Variants in PHLDB2 observed in about 807,000 individuals in gnomAD.
PHLDB2 encodes the protein pleckstrin homology like domain family B member 2, also known as pleckstrin homology-like domain family B member 2.
In PHLDB2, 71 loss-of-function variants were observed where a neutral mutation model predicts 123.6. The observed-to-expected ratio is 0.57, with a 90% CI of 0.47 to 0.70. The LOEUF is 0.70. Among genes scored for constraint, PHLDB2 ranks in the 30% least tolerant of loss-of-function variants. The pLI is 0.00. For synonymous variants in PHLDB2, 547 were observed against 541.6 expected (o/e 1.01, Z -0.14); for missense variants, 1,446 against 1,519.5 (o/e 0.95, Z 0.80).
intron 1 of PHLDB2, among the ~76,000 whole-genome samples, chr3:111,752,301 A>G (rs1357562363): frequency 6.6e-6 from 1 of 151,772 alleles, no homozygotes; most frequent in African/African-American, 2.4e-5. Flanking sequence ...CTCATATCCT[A>G]CTAAACTCTA....
intron 1 of PHLDB2, among the ~76,000 whole-genome samples, chr3:111,787,704 A>C (rs2108161620): frequency 6.6e-6 from 1 of 152,190 alleles, no homozygotes; most frequent in South Asian, 2.1e-4. Context: ...TTCACCTCAA[A>C]GAGGACACAT....
At chr3:111,851,027 CTACTAAA>C (rs2064227541) in intron 2 of PHLDB2, among the ~76,000 whole-genome samples, 1 of 150,988 alleles carries the variant, frequency 6.6e-6, no homozygotes, top group African/African-American at 2.4e-5. Flanking sequence ...AACCCCGTCT[CTACTAAA>C]AATACAAAAA....
intron 1 of PHLDB2, among the ~76,000 whole-genome samples, chr3:111,775,867 G>A (rs1341218291): frequency 6.6e-6 from 1 of 152,124 alleles, no homozygotes; most frequent in Non-Finnish European, 1.5e-5. Context: ...TGAGTTTATG[G>A]AAATGGGCAT....
At position 111,919,056 on chromosome 3, in the gene PHLDB2, T is replaced by C; in HGVS notation, c.1720-16T>C. ...CTGAGGTGTGAATAATCCATTTCTG[T>C]GTTGATTAATCGCAGACCCCAGAGG... is the stretch of plus-strand genomic sequence containing the variant. On this transcript the variant is annotated splice_polypyrimidine_tract_variant and intron_variant, in intron 3 of 17. Coordinates refer to ENST00000431670, the MANE Select transcript of PHLDB2 (RefSeq NM_001134438.2). 6.2e-7 allele frequency: 1 copy of C among 1,612,242 alleles called. No homozygotes were observed. Among genetic ancestry groups the C allele is most frequent in the South Asian group, 1.1e-5 (1 of 91,036 alleles).
At chr3:111,832,357 T>C (rs2063084228) in intron 1 of PHLDB2, among the ~76,000 whole-genome samples, 1 of 150,662 alleles carries the variant, frequency 6.6e-6, no homozygotes, top group Non-Finnish European at 1.5e-5. Flanking sequence ...TTTGCAAATA[T>C]AATATGTTCT....
chr3:111,845,900 C>T, exon 2 of PHLDB2: 1 of 1,614,066 alleles, frequency 6.2e-7, no homozygotes, highest in South Asian at 1.1e-5. Flanking sequence ...AGAGAGGTGC[C>T]CAAGGAAGAT....
In PHLDB2 at chr3:111,913,569, G is replaced by A. The variant is rs75096697; in HGVS notation, c.1586G>A (p.Ser529Asn). 1.2e-6 allele frequency: 2 copies of A among 1,614,132 alleles called. No individual in the cohort carries two copies. Among genetic ancestry groups the A allele is most frequent in the Non-Finnish European group, 8.5e-7 (1 of 1,180,022 alleles). ...AGCTGTGGGAGTCTCAGTCAGAGCA[G>A]TGCCAGCTTCTTTACCCCCAGGAGC... is the stretch of plus-strand genomic sequence containing the variant. ...LASCGSLSQS[S>N]ASFFTPRSTR... Residue 529 changes from serine (S) to asparagine (N), a missense_variant, in exon 3 of 18, where the codon AGT becomes AAT. Physicochemically the swap from Ser to Asn is conservative, Grantham distance 46. Transcript: ENST00000431670.
At chr3:111,827,220 C>T (rs564538906) in intron 1 of PHLDB2, among the ~76,000 whole-genome samples, 1 of 152,332 alleles carries the variant, frequency 6.6e-6, no homozygotes, top group East Asian at 1.9e-4. Context: ...CTTCCTCTAA[C>T]CTTTTAACCA....
chr3:111,901,562 G>T (rs1193054858), intron 2 of PHLDB2, among the ~76,000 whole-genome samples: 1 of 151,532 alleles, frequency 6.6e-6, no homozygotes, highest in Non-Finnish European at 1.5e-5. Flanking sequence ...CAAACATCAG[G>T]ATTTAAAGGT....
intron 1 of PHLDB2, among the ~76,000 whole-genome samples, chr3:111,792,303 A>G (rs2060961017): frequency 6.6e-6 from 1 of 152,198 alleles, no homozygotes; most frequent in Admixed American, 6.5e-5. Flanking sequence ...ATCCTTTCTT[A>G]TATAAAAGAG....
intron 2 of PHLDB2, among the ~76,000 whole-genome samples, chr3:111,846,982 A>C (rs1214731994): frequency 1.3e-5 from 2 of 152,224 alleles, no homozygotes; most frequent in Non-Finnish European, 1.5e-5. Context: ...AATTGTGATT[A>C]TGAGGAAAGA....
intron 14 of PHLDB2, 119 bp downstream of exon 14, chr3:111,966,822 C>T (rs2071801466): frequency 2.9e-6 from 2 of 678,820 alleles, no homozygotes; most frequent in Middle Eastern, 2.6e-4. Flanking sequence ...ATCACTCAAC[C>T]TTTCTCAGTC....
Position 111,976,031 on chromosome 3 carries a change from T to A in PHLDB2, c.*1468T>A, listed in dbSNP as rs2072469253. 6.5e-6 allele frequency: 1 copy of A among 152,682 alleles called. No individual in the cohort carries two copies. Among genetic ancestry groups the A allele is most frequent in the South Asian group, 2.1e-4 (1 of 4,836 alleles). The allele number at this position is 152,682 out of a possible 1,614,324, so 9.5% of individuals were successfully genotyped here. ...AAATCATGATTGTGGAAGATATTTTTAAAATCTGATTTTGCAGCGATCACT... is the reference window on the plus strand; with the variant it reads ...AAATCATGATTGTGGAAGATATTTTAAAAATCTGATTTTGCAGCGATCACT... On this transcript the variant is annotated 3_prime_UTR_variant, in exon 18 of 18. Transcript: ENST00000431670.
intron 1 of PHLDB2, among the ~76,000 whole-genome samples, chr3:111,741,525 G>A (rs1183910220): frequency 6.6e-6 from 1 of 152,046 alleles, no homozygotes; most frequent in Non-Finnish European, 1.5e-5. Flanking sequence ...GTGTCCATGT[G>A]TGTGTGTGCA....
At chr3:111,799,391 T>C (rs1038760805) in intron 1 of PHLDB2, among the ~76,000 whole-genome samples, 4 of 152,354 alleles carry the variant, frequency 2.6e-5, no homozygotes, top group Middle Eastern at 3.4e-3. Context: ...AATTTAATAC[T>C]AGAAAAAAGT....
chr3:111,874,841 C>A (rs549727145), intron 1 of PHLDB2, among the ~76,000 whole-genome samples: 20 of 152,098 alleles, frequency 1.3e-4, no homozygotes, highest in African/African-American at 4.1e-4. Flanking sequence ...CTAAAACTAC[C>A]CATTGAGATT....
intron 1 of PHLDB2, among the ~76,000 whole-genome samples, chr3:111,826,535 T>C (rs916856125): frequency 2.0e-5 from 3 of 152,204 alleles, no homozygotes; most frequent in African/African-American, 7.2e-5. Flanking sequence ...TTTCCTTTCC[T>C]TGCCAAAGCA....
chr3:111,871,552 G>A (rs115447768), intron 1 of PHLDB2, among the ~76,000 whole-genome samples: 7,035 of 152,188 alleles, frequency 0.046, 222 homozygotes, highest in Non-Finnish European at 0.066. Flanking sequence ...TACTGGAGAT[G>A]CTGAAGTGGG....
At chr3:111,827,667 CGA>C (rs2062728322) in intron 1 of PHLDB2, among the ~76,000 whole-genome samples, 1 of 121,232 alleles carries the variant, frequency 8.2e-6, no homozygotes, top group South Asian at 2.7e-4. Context: ...AGCGACAGAG[CGA>C]GACGAGAATC....
Sources: allele counts gnomAD v4.1 joint callset (sites outside exome capture counted in the v4.1 genomes callset), GRCh38; gene constraint gnomAD v4.1.1; transcripts MANE v1.5; gene names NCBI Gene and HGNC (gene_info 2026-07-23, HGNC 2026-07-21).